Variants in SHMT1 observed in about 807,000 individuals in gnomAD.
The protein encoded by SHMT1 is serine hydroxymethyltransferase 1, also known as serine hydroxymethyltransferase, cytosolic.
Under a neutral mutation model 49.0 loss-of-function variants are expected in SHMT1, and 45 were observed. That is an observed-to-expected ratio of 0.92 (90% CI 0.72 to 1.18). SHMT1 has a LOEUF of 1.18. Ranked by LOEUF, SHMT1 falls within the 50% of genes most tolerant of loss-of-function variation. The pLI, the probability that SHMT1 is intolerant of heterozygous loss-of-function variation, is 0.00. For synonymous variants in SHMT1, 232 were observed against 246.6 expected, an observed-to-expected ratio of 0.94 and a Z score of 0.55; for missense variants, 541 against 612.4, an observed-to-expected ratio of 0.88 and a Z score of 1.23.
intron 9 of SHMT1, chr17:18,332,301 C>T (rs1983297984): frequency 6.6e-6 from 1 of 152,362 alleles, no homozygotes; most frequent in African/African-American, 2.4e-5. Context: ...AGCACTGGCC[C>T]GGCCTTCCCA....
intron 9 of SHMT1, 140 bp downstream of exon 9, chr17:18,333,026 A>G (rs1352820900): frequency 1.5e-5 from 17 of 1,110,392 alleles, no homozygotes; most frequent in Non-Finnish European, 2.1e-5. Context: ...GTTGGAGGCG[A>G]GGCTGACCTC....
intron 5 of SHMT1, among the ~76,000 whole-genome samples, chr17:18,342,611 G>A (rs954593049): frequency 5.9e-5 from 9 of 152,016 alleles, no homozygotes; most frequent in African/African-American, 1.9e-4. Context: ...ACCGCACCTG[G>A]CCATGTGATC....
Position 18,355,926 on chromosome 17 carries a change from T to C in SHMT1, c.56A>G (p.Asp19Gly), listed in dbSNP as rs1366049479. 6.2e-7 allele frequency: 1 copy of C among 1,614,010 alleles called. No homozygotes were observed. Among genetic ancestry groups the C allele is most frequent in the African/African-American group, 1.3e-5 (1 of 74,924 alleles). ...HKDADLWSSHDKMLAQPLKDS... is the reference protein window; with the variant it reads ...HKDADLWSSHGKMLAQPLKDS... ...TTTGAGGGGTTGTGCCAGCATCTTG[T>C]CATGTGAGGACCACAGGTCAGCATC... The change falls in exon 2 of 12, where the codon GAC becomes GGC. Residue 19 changes from aspartate (D) to glycine (G), a missense_variant. By Grantham distance (94) the Asp-to-Gly change is moderately conservative. Coordinates refer to ENST00000316694, the MANE Select transcript of SHMT1 (RefSeq NM_004169.5).
chr17:18,360,023 G>A lies in SHMT1; in HGVS notation c.-20+3349C>T, dbSNP rs1034349344. ...AGCACTTTGGGAGGCCAAGGCGGGC[G>A]GATCACCTGAGGTCAGGAGTTCGAG... On this transcript the variant is annotated intron_variant, in intron 1 of 11. Transcript: ENST00000316694. Among the ~76,000 whole-genome samples, 12 of 152,012 alleles carry A rather than the reference G, an allele frequency of 7.9e-5. No individual in the cohort carries two copies. In the South Asian group the frequency reaches 1.0e-3, roughly 13 times the overall value.
chr17:18,361,219 C>T (rs1283703619), intron 1 of SHMT1, among the ~76,000 whole-genome samples: 2 of 149,068 alleles, frequency 1.3e-5, no homozygotes, highest in East Asian at 4.0e-4. Context: ...GCAAGATAAT[C>T]GCTTGAACCC....
chr17:18,354,433 C>A (rs542769417), intron 2 of SHMT1, among the ~76,000 whole-genome samples: 1,539 of 151,220 alleles, frequency 0.01, 10 homozygotes, highest in Middle Eastern at 0.044. Context: ...AACAAACAAA[C>A]AAAAAAACAA....
intron 9 of SHMT1, chr17:18,331,198 G>C: frequency 4.0e-6 from 1 of 250,164 alleles, no homozygotes; most frequent in East Asian, 9.8e-5. Context: ...CCTGGCCCGA[G>C]GTCATACAGG....
chr17:18,347,721 C>T (rs2151590872), intron 4 of SHMT1, 65 bp from the exon 5 acceptor site: 1 of 1,587,086 alleles, frequency 6.3e-7, no homozygotes, highest in Non-Finnish European at 8.6e-7. Context: ...GCATCCGGGA[C>T]CTTGGCCACT....
intron 5 of SHMT1, among the ~76,000 whole-genome samples, chr17:18,344,540 C>A (rs1299602225): frequency 6.7e-5 from 3 of 45,100 alleles, no homozygotes; most frequent in African/African-American, 8.9e-5. Flanking sequence ...AAAAAATGGA[C>A]ATAATTCTAA....
At chr17:18,334,720 C>T (rs1270153765) in intron 8 of SHMT1, among the ~76,000 whole-genome samples, 2 of 152,146 alleles carry the variant, frequency 1.3e-5, no homozygotes, top group African/African-American at 2.4e-5. Flanking sequence ...GCCTGCATCC[C>T]GCACAGAGCC....
chr17:18,347,483 A>G lies in SHMT1; in HGVS notation c.519+13T>C, dbSNP rs1382782489. The G allele has an allele frequency of 1.7e-5, 27 of 1,613,742 alleles. No homozygotes were observed. The highest frequency in any genetic ancestry group is 2.3e-5 in the Non-Finnish European group (27 of 1,179,940). ...CCAAGGAAATAAAAGCTAGGAGAGA[A>G]ACACATGCTTACCTTGTAGGGCATA... On this transcript the variant is annotated intron_variant, in intron 5 of 11. Coordinates refer to ENST00000316694, the MANE Select transcript of SHMT1 (RefSeq NM_004169.5).
In SHMT1 at chr17:18,347,625, G is replaced by A. The variant is rs1289786477; in HGVS notation, c.390C>T (p.Ala130=). 1 of 1,614,030 alleles carries A rather than the reference G, an allele frequency of 6.2e-7. No individual in the cohort carries two copies. The highest frequency in any genetic ancestry group is 1.1e-5 in the South Asian group (1 of 91,092). The change falls in exon 5 of 12, where the codon GCC becomes GCT. Residue 130 remains alanine, a synonymous_variant. Transcript: ENST00000316694. The stretch of plus-strand genomic sequence containing the variant: ...TGATGCGCCCATGGGGTTCCACCAG[G>A]GCAGTGTACACAGCAAAGTTTGCAG... The part of the protein sequence containing the change: ...GSPANFAVYT[A]LVEPHGRIMG...
intron 7 of SHMT1, among the ~76,000 whole-genome samples, chr17:18,336,105 C>G (rs764967934): frequency 6.6e-6 from 1 of 151,838 alleles, no homozygotes; most frequent in Non-Finnish European, 1.5e-5. Flanking sequence ...GGTGAAACCC[C>G]GTCTCTACTA....
chr17:18,328,647 C>T lies in SHMT1; in HGVS notation c.*103G>A. 2.3e-6 allele frequency: 3 copies of T among 1,316,856 alleles called. No individual in the cohort carries two copies. Among genetic ancestry groups the T allele is most frequent in the South Asian group, 1.3e-5 (1 of 78,860 alleles). The allele number at this position is 1,316,856 out of a possible 1,614,324, so 81.6% of individuals were successfully genotyped here. On this transcript the variant is annotated 3_prime_UTR_variant, in exon 12 of 12. Transcript: ENST00000316694. ...AAACCCCCTCAAAGGGCCCGAGTGT[C>T]AACAGTTCCCCTTTGGAGCAGCTCA...
intron 4 of SHMT1, 81 bp from the exon 5 acceptor site, chr17:18,347,737 T>C: frequency 6.5e-7 from 1 of 1,528,074 alleles, no homozygotes; most frequent in Non-Finnish European, 9.0e-7. Context: ...CCACTAAGCC[T>C]TCACCCAGGA....
intron 4 of SHMT1, 35 bp from the exon 5 acceptor site, chr17:18,347,691 TCTAA>T: frequency 2.5e-6 from 4 of 1,613,638 alleles, no homozygotes; most frequent in Non-Finnish European, 3.4e-6. Flanking sequence ...CATGATTATT[TCTAA>T]CTGAGGTACC....
In SHMT1 at chr17:18,336,210, GAGGTTGC is replaced by G. The variant is rs560703990; in HGVS notation, c.815-542_815-536del. Among the ~76,000 whole-genome samples, 372 of 152,160 alleles carry G rather than the reference GAGGTTGC, an allele frequency of 2.4e-3. 3 individuals carry two copies. The highest frequency in any genetic ancestry group is 8.6e-3 in the African/African-American group (357 of 41,482). ...AAGAATCGCTTGAACCCGGGAGGCA[GAGGTTGC>G]AGTGAGCCAAGATCGCGCCAGTGCA... On this transcript the variant is annotated intron_variant, in intron 7 of 11. Transcript: ENST00000316694.
intron 3 of SHMT1, among the ~76,000 whole-genome samples, chr17:18,352,874 A>T (rs1435882263): frequency 6.6e-6 from 1 of 152,066 alleles, no homozygotes; most frequent in African/African-American, 2.4e-5. Context: ...CCTTAGCCTG[A>T]AAGAAGAAAG....
chr17:18,342,047 A>C (rs1191931224), intron 5 of SHMT1, among the ~76,000 whole-genome samples: 1 of 152,170 alleles, frequency 6.6e-6, no homozygotes, highest in Non-Finnish European at 1.5e-5. Flanking sequence ...CCACTTGTGA[A>C]TCTATATCTT....
Sources: gnomAD v4.1 joint callset for allele counts (sites outside exome capture counted in the v4.1 genomes callset) on GRCh38, gnomAD v4.1.1 for gene constraint, MANE v1.5 for transcripts, NCBI Gene and HGNC (gene_info 2026-07-23, HGNC 2026-07-21) for gene names.